Variants in AKR1C3 observed in about 807,000 individuals in gnomAD.
AKR1C3 encodes the protein aldo-keto reductase family 1 member C3.
A neutral mutation model predicts 43.6 loss-of-function variants in AKR1C3; 48 were observed. That is an observed-to-expected ratio of 1.10 (90% CI 0.87 to 1.40). The LOEUF is 1.40. AKR1C3 is among the 40% of genes most tolerant of loss of function. The pLI is 0.00. For missense variants in AKR1C3, 482 were observed against 391.2 expected, an observed-to-expected ratio of 1.23 and a Z score of -1.96; for synonymous variants, 162 against 139.6, an observed-to-expected ratio of 1.16 and a Z score of -1.13.
At chr10:5,070,387 A>G (rs1564358647) in intron 1 of AKR1C3, among the ~76,000 whole-genome samples, 1 of 152,244 alleles carries the variant, frequency 6.6e-6, no homozygotes, top group Non-Finnish European at 1.5e-5. Flanking sequence ...TTTATGGAAA[A>G]TAAAAGTACA....
In AKR1C3 at chr10:5,088,715, C is replaced by T. The variant is rs75390941; in HGVS notation, c.85-7695C>T. The stretch of plus-strand genomic sequence containing the variant: ...GGTGTCATTAGACCTAATGGTAGAT[C>T]TCCTGTAGATAAAAGCTGTTGGGTC... On this transcript the variant is annotated intron_variant, in intron 1 of 8. Transcript: ENST00000439082. Among the ~76,000 whole-genome samples the T allele has an allele frequency of 8.9e-3, 1,355 of 151,650 alleles. 27 individuals are homozygous for T. Among genetic ancestry groups the T allele is most frequent in the African/African-American group, 0.032 (1,304 of 41,354 alleles).
chr10:5,095,591 AAC>A lies in AKR1C3; in HGVS notation c.85-817_85-816del, dbSNP rs371388783. Among the ~76,000 whole-genome samples, 190 of 152,244 alleles carry A rather than the reference AAC, an allele frequency of 1.2e-3. 1 individual carries two copies. The highest frequency in any genetic ancestry group is 4.4e-3 in the African/African-American group (184 of 41,546). On this transcript the variant is annotated intron_variant, in intron 1 of 8. Transcript: ENST00000380554. The stretch of plus-strand genomic sequence containing the variant: ...TTCTTTAAATACATGTAAAAATGAA[AAC>A]AGTTTATTTATATTTTTGTCATTAA...
At position 5,107,503 on chromosome 10, in the gene AKR1C3, A is replaced by C. The variant is rs1197786467; in HGVS notation, c.972A>C (p.Ter324TyrextTer17). Residue 324 changes from the stop codon to tyrosine, a stop_lost, in exon 9 of 9, where the codon TAA becomes TAC. Transcript: ENST00000380554. ...ATTATCCATATTCAGATGAATATTA[A>C]CATGGAGGGCTTTGCCTGATGTCTA... ...HPNYPYSDEY[*>Y] 2.5e-6 allele frequency: 4 copies of C among 1,589,332 alleles called. No homozygotes were observed. The highest frequency in any genetic ancestry group is 3.5e-6 in the Non-Finnish European group (4 of 1,158,000).
chr10:5,084,842 A>C (rs1379885134), intron 1 of AKR1C3, among the ~76,000 whole-genome samples: 1 of 151,692 alleles, frequency 6.6e-6, no homozygotes, highest in Non-Finnish European at 1.5e-5. Flanking sequence ...TGAAGCAATT[A>C]TGAATAGGAG....
At chr10:5,055,386 T>A (rs1475056773) in intron 1 of AKR1C3, among the ~76,000 whole-genome samples, 3 of 152,202 alleles carry the variant, frequency 2.0e-5, no homozygotes, top group Admixed American at 6.5e-5. Flanking sequence ...GAAGCACCAG[T>A]CCCTCAAGGA....
Position 5,094,424 on chromosome 10 carries a change from T to C in AKR1C3, c.-21T>C. 1 of 1,610,924 alleles carries C rather than the reference T, an allele frequency of 6.2e-7. No individual in the cohort carries two copies. Among genetic ancestry groups the C allele is most frequent in the Non-Finnish European group, 8.5e-7 (1 of 1,177,750 alleles). Reference sequence around the variant, plus strand: ...AGGAGAAGCAGCAGCAAACATTTGCTAGTCAGACAAGTGACAGGGAATGGA... The same window carrying C: ...AGGAGAAGCAGCAGCAAACATTTGCCAGTCAGACAAGTGACAGGGAATGGA... On this transcript the variant is annotated 5_prime_UTR_variant, in exon 1 of 9. Transcript: ENST00000380554.
chr10:5,053,150 C>G (rs1219869691), intron 1 of AKR1C3, among the ~76,000 whole-genome samples: 3 of 152,246 alleles, frequency 2.0e-5, no homozygotes, highest in Non-Finnish European at 2.9e-5. Flanking sequence ...CGCCCGCACT[C>G]CTCAGCACTT....
intron 1 of AKR1C3, among the ~76,000 whole-genome samples, chr10:5,051,596 A>C (rs1838155072): frequency 6.6e-6 from 1 of 152,214 alleles, no homozygotes; most frequent in Admixed American, 6.5e-5. Context: ...GAATCATTGC[A>C]GTTCATATCA....
At chr10:5,050,311 T>C (rs868963906) in intron 1 of AKR1C3, among the ~76,000 whole-genome samples, 4 of 152,234 alleles carry the variant, frequency 2.6e-5, no homozygotes, top group Admixed American at 1.3e-4. Flanking sequence ...TTCTGCAATA[T>C]GGAGATCTCA....
intron 1 of AKR1C3, among the ~76,000 whole-genome samples, chr10:5,062,866 AAAAAGG>A (rs1403295915): frequency 2.6e-5 from 4 of 151,764 alleles, no homozygotes; most frequent in Non-Finnish European, 1.5e-5. Flanking sequence ...AAAAAAAAAA[AAAAAGG>A]AAAGAAAACA....
intron 1 of AKR1C3, among the ~76,000 whole-genome samples, chr10:5,066,033 G>A (rs1487917398): frequency 6.6e-6 from 1 of 152,162 alleles, no homozygotes; most frequent in African/African-American, 2.4e-5. Context: ...GAATTGGCTG[G>A]AGCCTTTGTT....
chr10:5,083,690 A>G (rs1554782654), intron 1 of AKR1C3, among the ~76,000 whole-genome samples: 3 of 152,162 alleles, frequency 2.0e-5, no homozygotes, highest in Non-Finnish European at 1.5e-5. Flanking sequence ...TTACAGTCCC[A>G]CCAACAGTGT....
At chr10:5,106,182 CCTT>C (rs1209681395) in intron 8 of AKR1C3, among the ~76,000 whole-genome samples, 2 of 152,140 alleles carry the variant, frequency 1.3e-5, no homozygotes, top group Non-Finnish European at 2.9e-5. Flanking sequence ...TGTTTTTCCT[CCTT>C]CTCCTTGCAT....
At chr10:5,072,782 A>G (rs1378382934) in intron 1 of AKR1C3, among the ~76,000 whole-genome samples, 1 of 152,124 alleles carries the variant, frequency 6.6e-6, no homozygotes, top group Non-Finnish European at 1.5e-5. Flanking sequence ...TGTTATAAAA[A>G]ATGGTGGTGT....
At position 5,100,289 on chromosome 10, in the gene AKR1C3, C is replaced by T. The variant is rs1401420987; in HGVS notation, c.570+840C>T. The stretch of plus-strand genomic sequence containing the variant: ...AGCCTGGGCAACAAGAGTGAAACTC[C>T]GTCTCAAAAAAAAAGAGAAAAATTA... On this transcript the variant is annotated intron_variant, in intron 5 of 8. Transcript: ENST00000380554. Among the ~76,000 whole-genome samples, 2 of 151,716 alleles carry T rather than the reference C, an allele frequency of 1.3e-5. 1 individual carries two copies. The highest frequency in any genetic ancestry group is 2.9e-5 in the Non-Finnish European group (2 of 67,930).
chr10:5,087,375 T>C (rs1377934935), intron 1 of AKR1C3, among the ~76,000 whole-genome samples: 2 of 38,670 alleles, frequency 5.2e-5, no homozygotes, highest in East Asian at 2.1e-3. Flanking sequence ...CTTTATCATT[T>C]CTTTCTTTTT....
chr10:5,077,207 T>G (rs1838734961), intron 1 of AKR1C3, among the ~76,000 whole-genome samples: 1 of 152,126 alleles, frequency 6.6e-6, no homozygotes, highest in Non-Finnish European at 1.5e-5. Context: ...AGCAAAGAAC[T>G]AATCACTTGA....
chr10:5,098,900 A>C (rs1417362590), intron 4 of AKR1C3, 21 bp downstream of exon 4: 1 of 1,579,728 alleles, frequency 6.3e-7, no homozygotes, highest in Admixed American at 1.8e-5. Context: ...GGCGGAGAGG[A>C]CACAGAGAAG....
intron 5 of AKR1C3, among the ~76,000 whole-genome samples, chr10:5,101,810 T>C (rs1839357197): frequency 6.6e-6 from 1 of 152,212 alleles, no homozygotes; most frequent in Non-Finnish European, 1.5e-5. Context: ...CTAAGAATCT[T>C]ACTGTATCCC....
Sources: allele counts gnomAD v4.1 joint callset (sites outside exome capture counted in the v4.1 genomes callset), GRCh38; gene constraint gnomAD v4.1.1; transcripts MANE v1.5; gene names NCBI Gene and HGNC (gene_info 2026-07-23, HGNC 2026-07-21).